The following C2CD3 variants were observed in gnomAD, a reference collection of about 807,000 sequenced individuals.
C2CD3 encodes C2 domain containing 3 centriole elongation regulator.
In C2CD3, 148 loss-of-function variants were observed where a neutral mutation model predicts 234.0. The ratio of observed to expected loss-of-function variants is 0.63; its 90% CI spans 0.55 to 0.72. C2CD3 has a LOEUF of 0.72. Among genes scored for constraint, C2CD3 ranks in the 30% least tolerant of loss-of-function variants. The pLI is 0.00. For missense variants in C2CD3, 2,577 were observed against 2,811.5 expected (o/e 0.92, Z 1.89); for synonymous variants, 1,000 against 1,035.4 (o/e 0.97, Z 0.66).
At chr11:74,077,817 A>ATATATGTG (rs1955129246) in intron 23 of C2CD3, among the ~76,000 whole-genome samples, 1 of 29,502 alleles carries the variant, frequency 3.4e-5, no homozygotes, top group African/African-American at 1.0e-4. Context: ...ATATATATAT[A>ATATATGTG]TATATATATA....
At chr11:74,143,583 G>A (rs1173190973) in intron 3 of C2CD3, among the ~76,000 whole-genome samples, 2 of 149,220 alleles carry the variant, frequency 1.3e-5, no homozygotes, top group African/African-American at 4.9e-5. Flanking sequence ...TAGGGGTCTT[G>A]CTCTGTTTCC....
intron 26 of C2CD3, among the ~76,000 whole-genome samples, chr11:74,052,789 C>A (rs1953758475): frequency 6.6e-6 from 1 of 152,148 alleles, no homozygotes; most frequent in South Asian, 2.1e-4. Flanking sequence ...CCAACAGGAG[C>A]ACAGGCAGAG....
At chr11:74,142,719 T>C (rs532803247) in intron 3 of C2CD3, among the ~76,000 whole-genome samples, 2 of 152,202 alleles carry the variant, frequency 1.3e-5, no homozygotes, top group African/African-American at 4.8e-5. Flanking sequence ...GGGAAAAGTA[T>C]TGGTCAAACT....
chr11:74,128,336 T>C lies in C2CD3; in HGVS notation c.1217+4508A>G, dbSNP rs1308094772. Among the ~76,000 whole-genome samples the C allele has an allele frequency of 2.0e-5, 3 of 152,196 alleles. No individual in the cohort carries two copies. The East Asian group carries it at 5.8e-4, about 29-fold the overall frequency. On this transcript the variant is annotated intron_variant, in intron 7 of 32. Transcript: ENST00000334126. Reference sequence around the variant, plus strand: ...GTAAATATTTTTTCCCTTTCTGTGGTGTCTTCTCACTTTCATAGTGTCCTT... The same window carrying C: ...GTAAATATTTTTTCCCTTTCTGTGGCGTCTTCTCACTTTCATAGTGTCCTT...
At chr11:74,161,579 T>C in intron 2 of C2CD3, 23 bp from the exon 3 acceptor site, 1 of 1,501,692 alleles carries the variant, frequency 6.7e-7, no homozygotes, top group Non-Finnish European at 8.9e-7. Flanking sequence ...AATTACAACA[T>C]GGATATTTTT....
intron 24 of C2CD3, among the ~76,000 whole-genome samples, chr11:74,071,694 T>C (rs925969620): frequency 6.6e-6 from 1 of 152,208 alleles, no homozygotes; most frequent in Non-Finnish European, 1.5e-5. Context: ...ATCTGCATTA[T>C]ACTTATTCAG....
At chr11:74,041,213 A>G (rs1953035773) in intron 29 of C2CD3, among the ~76,000 whole-genome samples, 3 of 152,066 alleles carry the variant, frequency 2.0e-5, no homozygotes, top group Admixed American at 2.0e-4. Flanking sequence ...TCTAAGGGTA[A>G]TAATTCTTAG....
chr11:74,126,350 G>GT (rs1186080397), intron 7 of C2CD3, among the ~76,000 whole-genome samples: 1 of 152,112 alleles, frequency 6.6e-6, no homozygotes, highest in Non-Finnish European at 1.5e-5. Context: ...GTGTCTTGGT[G>GT]TATCTTTTTT....
intron 2 of C2CD3, among the ~76,000 whole-genome samples, chr11:74,162,494 C>G (rs1565359789): frequency 1.3e-5 from 2 of 152,062 alleles, no homozygotes; most frequent in Non-Finnish European, 2.9e-5. Flanking sequence ...GAAAATACAA[C>G]TGATTTAAAA....
chr11:74,099,371 G>C (rs1565292097), intron 15 of C2CD3, among the ~76,000 whole-genome samples: 1 of 152,210 alleles, frequency 6.6e-6, no homozygotes, highest in Non-Finnish European at 1.5e-5. Flanking sequence ...AAGAAAGTCA[G>C]AGAGGTTAAG....
intron 3 of C2CD3, among the ~76,000 whole-genome samples, chr11:74,157,786 C>T (rs1201168776): frequency 1.3e-5 from 2 of 152,160 alleles, no homozygotes; most frequent in Non-Finnish European, 2.9e-5. Context: ...GAGCCCCCCA[C>T]AGAAGAGGGA....
intron 29 of C2CD3, among the ~76,000 whole-genome samples, chr11:74,038,685 A>G (rs1351072522): frequency 6.6e-6 from 1 of 152,200 alleles, no homozygotes; most frequent in Non-Finnish European, 1.5e-5. Context: ...TTAAGGTTGC[A>G]GCTCACATTT....
At chr11:74,025,882 T>C (rs957405725) in intron 32 of C2CD3, among the ~76,000 whole-genome samples, 4 of 152,172 alleles carry the variant, frequency 2.6e-5, no homozygotes, top group African/African-American at 9.7e-5. Flanking sequence ...AGATTCAGTA[T>C]TTCACTCCAT....
Position 74,033,898 on chromosome 11 carries a change from A to G in C2CD3, c.6262T>C (p.Ser2088Pro), listed in dbSNP as rs1194474831. 3 of 1,536,158 alleles carry G rather than the reference A, an allele frequency of 2.0e-6. No individual in the cohort carries two copies. The South Asian group carries it at 3.6e-5, about 18-fold the overall frequency. The change falls in exon 31 of 33, where the codon TCT (serine) becomes CCT (proline). Residue 2088 changes from serine (S) to proline (P), a missense_variant. Ser to Pro is a moderately conservative substitution (Grantham distance 74, BLOSUM62 -1). Coordinates refer to ENST00000334126, the MANE Select transcript of C2CD3 (RefSeq NM_001286577.2). ...TTVTDKTSPW[S>P]SVISDTSEVI... ...TCACTTGTGTCTGATATGACACTAG[A>G]CCAAGGGCTAGTTTTGTCTGTCACC...
At position 74,014,214 on chromosome 11, in the gene C2CD3, G is replaced by A. The variant is rs564879995; in HGVS notation, c.6922-689C>T. Among the ~76,000 whole-genome samples the A allele has an allele frequency of 5.9e-5, 9 of 152,256 alleles. 1 individual carries two copies. The South Asian group carries it at 1.2e-3, about 21-fold the overall frequency. On this transcript the variant is annotated intron_variant, in intron 32 of 32. Coordinates refer to ENST00000334126, the MANE Select transcript of C2CD3 (RefSeq NM_001286577.2). ...GGCTCCTGTGCTGAAGGAGCTCAAA[G>A]CTATACAGGAAAGCCATCCCAGACA...
chr11:74,137,750 A>C (rs1371740569), intron 5 of C2CD3, among the ~76,000 whole-genome samples: 1 of 151,428 alleles, frequency 6.6e-6, no homozygotes, highest in African/African-American at 2.4e-5. Flanking sequence ...ACACCCAGCT[A>C]ATTTTTTGTA....
chr11:74,080,724 T>C (rs1217453285), intron 22 of C2CD3, among the ~76,000 whole-genome samples: 1 of 152,206 alleles, frequency 6.6e-6, no homozygotes, highest in African/African-American at 2.4e-5. Flanking sequence ...CAGATGGTGC[T>C]TGTTCTCTCA....
At chr11:74,129,359 G>A (rs146194204) in intron 7 of C2CD3, 27,657 of 167,010 alleles carry the variant, frequency 0.17, 2,604 homozygotes, top group East Asian at 0.29. Flanking sequence ...TTTCTCAGAC[G>A]GGGCGGCTGG....
intron 4 of C2CD3, 27 bp downstream of exon 4, chr11:74,139,578 T>C (rs761668154): frequency 2.6e-5 from 37 of 1,429,894 alleles, no homozygotes; most frequent in South Asian, 3.4e-5. Context: ...AACTGACAGA[T>C]TGACTGGTAT....
Sources: gnomAD v4.1 joint callset for allele counts (sites outside exome capture counted in the v4.1 genomes callset) on GRCh38, gnomAD v4.1.1 for gene constraint, MANE v1.5 for transcripts, NCBI Gene and HGNC (gene_info 2026-07-23, HGNC 2026-07-21) for gene names.